Variants in EIF4G3 observed in about 807,000 individuals in gnomAD.
The protein encoded by EIF4G3 is eukaryotic translation initiation factor 4 gamma 3.
In EIF4G3, 34 loss-of-function variants were observed where a neutral mutation model predicts 186.4. That is an observed-to-expected ratio of 0.18 (90% CI 0.14 to 0.24). EIF4G3 has a LOEUF of 0.24. EIF4G3 is among the 10% of genes least tolerant of loss of function. The pLI is 1.00. For missense variants in EIF4G3, 1,536 were observed against 1,948.5 expected (o/e 0.79, Z 3.99); for synonymous variants, 673 against 679.5 (o/e 0.99, Z 0.15).
chr1:20,924,303 C>A (rs1434440013), intron 14 of EIF4G3, among the ~76,000 whole-genome samples: 2 of 151,924 alleles, frequency 1.3e-5, no homozygotes, highest in Non-Finnish European at 2.9e-5. Context: ...AATCTTATAT[C>A]CAAAAAAACT....
intron 4 of EIF4G3, among the ~76,000 whole-genome samples, chr1:21,023,986 C>T (rs1397955878): frequency 2.1e-5 from 3 of 141,940 alleles, no homozygotes; most frequent in Non-Finnish European, 4.7e-5. Context: ...TCTGCCCGGC[C>T]GCCCAGTCTG....
chr1:20,864,608 G>T lies in EIF4G3; in HGVS notation c.2874C>A (p.Leu958=), dbSNP rs1320874925. The change falls in exon 22 of 37, where the codon CTC becomes CTA. Residue 958 remains leucine (L), a synonymous_variant. Transcript: ENST00000602326. ...NIKFIGELFK[L]KMLTEAIMHD... The stretch of plus-strand genomic sequence containing the variant: ...GCATGATGGCTTCAGTCAGCATTTT[G>T]AGTTTAAAGAGTTCTCCAATAAACT... The T allele has an allele frequency of 6.2e-7, 1 of 1,614,146 alleles. No individual in the cohort carries two copies. The highest frequency in any genetic ancestry group is 8.5e-7 in the Non-Finnish European group (1 of 1,180,014).
chr1:20,916,571 GTCTT>G (rs1489788191), intron 14 of EIF4G3, among the ~76,000 whole-genome samples: 1 of 152,032 alleles, frequency 6.6e-6, no homozygotes, highest in Non-Finnish European at 1.5e-5. Context: ...AATTTCAACT[GTCTT>G]TTTTTTGCAG....
chr1:20,963,927 A>G (rs906193043), intron 12 of EIF4G3, among the ~76,000 whole-genome samples: 11 of 107,928 alleles, frequency 1.0e-4, no homozygotes, highest in Admixed American at 2.0e-4. Flanking sequence ...GTGAGACTCC[A>G]TCTCAAAAAA....
chr1:20,815,649 T>TGG (rs769275151), intron 34 of EIF4G3, among the ~76,000 whole-genome samples: 2,537 of 127,156 alleles, frequency 0.02, 52 homozygotes, highest in African/African-American at 0.07. Flanking sequence ...GGGAGGGAGG[T>TGG]GGGGGGGGGT....
In EIF4G3 at chr1:20,862,263, G is replaced by A. The variant is rs539091547; in HGVS notation, c.3076C>T (p.Arg1026Trp). ...VKERKTSSRI[R>W]FMLQDVIDLR... Reference sequence around the variant, plus strand: ...TCTATAACATCTTGAAGCATGAACCGAATCCTAGATGAGGTTTTTCTTTCT... The same window carrying A: ...TCTATAACATCTTGAAGCATGAACCAAATCCTAGATGAGGTTTTTCTTTCT... The change falls in exon 23 of 37, where the codon CGG (arginine) becomes TGG (tryptophan). Residue 1026 changes from arginine to tryptophan, a missense_variant. Transcript: ENST00000602326. The A allele has an allele frequency of 3.1e-6, 5 of 1,610,954 alleles. No individual in the cohort carries two copies. Among genetic ancestry groups the A allele is most frequent in the Middle Eastern group, 1.6e-4 (1 of 6,076 alleles).
intron 7 of EIF4G3, among the ~76,000 whole-genome samples, chr1:20,990,648 G>A (rs181670800): frequency 1.1e-3 from 170 of 152,196 alleles, no homozygotes; most frequent in African/African-American, 3.8e-3. Flanking sequence ...CAGCCTGGGC[G>A]ACAGAGCAAG....
intron 2 of EIF4G3, chr1:21,174,757 G>A (rs1182255733): frequency 1.3e-5 from 2 of 152,084 alleles, no homozygotes; most frequent in African/African-American, 4.8e-5. Context: ...TTTCTCATCG[G>A]TGAACAATTC....
intron 4 of EIF4G3, 104 bp from the exon 5 acceptor site, chr1:21,002,912 G>T: frequency 8.5e-6 from 5 of 591,420 alleles, no homozygotes; most frequent in East Asian, 3.1e-5. Flanking sequence ...TTATTAATGT[G>T]GTTTATATTC....
At chr1:21,091,336 T>C (rs1431855878) in intron 2 of EIF4G3, among the ~76,000 whole-genome samples, 2 of 152,028 alleles carry the variant, frequency 1.3e-5, no homozygotes, top group African/African-American at 2.4e-5. Context: ...ATTTTTTGTA[T>C]TTTTAGTAGA....
chr1:21,176,685 C>T, intron 1 of EIF4G3, 37 bp downstream of exon 1: 1 of 592,544 alleles, frequency 1.7e-6, no homozygotes, highest in Admixed American at 2.9e-5. Flanking sequence ...AGGGGGGGGG[C>T]CGGACCCGGC....
chr1:20,990,701 T>A (rs957002268), intron 7 of EIF4G3, among the ~76,000 whole-genome samples: 1 of 152,188 alleles, frequency 6.6e-6, no homozygotes, highest in African/African-American at 2.4e-5. Flanking sequence ...TTACTATATG[T>A]ACATCATTTT....
intron 4 of EIF4G3, among the ~76,000 whole-genome samples, chr1:21,042,393 A>G (rs2093636131): frequency 6.6e-6 from 1 of 152,124 alleles, no homozygotes; most frequent in Admixed American, 6.5e-5. Flanking sequence ...TTTACTATTC[A>G]TTGAGAAAAT....
chr1:20,981,873 A>G (rs1259648260), intron 8 of EIF4G3, among the ~76,000 whole-genome samples: 1 of 152,122 alleles, frequency 6.6e-6, no homozygotes, highest in Admixed American at 6.5e-5. Context: ...ATATTTCTCT[A>G]TTATATAAAA....
At chr1:21,017,533 CAGG>C (rs2089493739) in intron 4 of EIF4G3, among the ~76,000 whole-genome samples, 1 of 144,042 alleles carries the variant, frequency 6.9e-6, no homozygotes, top group Non-Finnish European at 1.5e-5. Context: ...GAGGCTGAGG[CAGG>C]AGAATGGCGT....
chr1:21,008,870 G>A (rs907556179), intron 4 of EIF4G3, among the ~76,000 whole-genome samples: 1 of 152,130 alleles, frequency 6.6e-6, no homozygotes, highest in Non-Finnish European at 1.5e-5. Flanking sequence ...AAATTGTGTT[G>A]AGAAAACTAA....
chr1:20,950,151 C>T (rs2096142802), intron 12 of EIF4G3, 40 bp from the exon 13 acceptor site: 18 of 1,455,890 alleles, frequency 1.2e-5, no homozygotes, highest in Non-Finnish European at 1.6e-5. Context: ...AATGAGCGTG[C>T]GAACATAAAA....
chr1:21,161,247 T>TAATC (rs1022700875), intron 2 of EIF4G3, among the ~76,000 whole-genome samples: 11 of 152,094 alleles, frequency 7.2e-5, no homozygotes, highest in African/African-American at 2.4e-4. Flanking sequence ...CTCATGCCTG[T>TAATC]AATCCCAGCA....
chr1:20,885,889 C>T (rs941340836), intron 19 of EIF4G3, among the ~76,000 whole-genome samples: 13 of 152,218 alleles, frequency 8.5e-5, no homozygotes, highest in African/African-American at 3.1e-4. Context: ...GATAAAGAGA[C>T]TCAATCACTG....
Sources: gnomAD v4.1 joint callset for allele counts (sites outside exome capture counted in the v4.1 genomes callset) on GRCh38, gnomAD v4.1.1 for gene constraint, MANE v1.5 for transcripts, NCBI Gene and HGNC (gene_info 2026-07-23, HGNC 2026-07-21) for gene names.